The following FBLN5 variants were observed in gnomAD, a reference collection of about 807,000 sequenced individuals.
FBLN5 encodes the protein fibulin-5.
A neutral mutation model predicts 61.6 loss-of-function variants in FBLN5; 24 were observed. The observed-to-expected ratio is 0.39, with a 90% CI of 0.28 to 0.55. The LOEUF (loss-of-function observed/expected upper bound fraction) is 0.55, where lower values mean the gene tolerates loss of function less well. FBLN5 is among the 20% of genes least tolerant of loss of function. The pLI, the probability that FBLN5 is intolerant of heterozygous loss-of-function variation, is 0.65. For synonymous variants in FBLN5, 213 were observed against 219.8 expected, an observed-to-expected ratio of 0.97 and a Z score of 0.27; for missense variants, 470 against 594.1, an observed-to-expected ratio of 0.79 and a Z score of 2.17.
chr14:91,877,509 T>G lies in FBLN5; in HGVS notation c.1163A>C (p.Glu388Ala). 6.2e-7 allele frequency: 1 copy of G among 1,614,054 alleles called. No homozygotes were observed. Among genetic ancestry groups the G allele is most frequent in the Non-Finnish European group, 8.5e-7 (1 of 1,179,944 alleles). ...YYIFQIKSGN[E>A]GREFYMRQTG... ...TACCCGCATGTAAAATTCTCTGCCC[T>G]CATTCCCAGATTTGATCTGGAAAAT... Residue 388 changes from glutamate (E) to alanine (A), a missense_variant, in exon 10 of 11, where the codon GAG becomes GCG. Transcript: ENST00000342058.
chr14:91,885,636 T>A (rs995612749), intron 7 of FBLN5, among the ~76,000 whole-genome samples: 12 of 152,120 alleles, frequency 7.9e-5, no homozygotes, highest in Non-Finnish European at 1.2e-4. Flanking sequence ...TGATTTTTTT[T>A]AATAAAGGAT....
At chr14:91,886,909 G>A (rs947708933) in intron 7 of FBLN5, among the ~76,000 whole-genome samples, 1 of 152,150 alleles carries the variant, frequency 6.6e-6, no homozygotes, top group Non-Finnish European at 1.5e-5. Flanking sequence ...ATGCCAAATC[G>A]GGTGACTGCT....
intron 4 of FBLN5, among the ~76,000 whole-genome samples, chr14:91,935,100 A>C (rs913615010): frequency 6.6e-6 from 1 of 152,164 alleles, no homozygotes; most frequent in African/African-American, 2.4e-5. Flanking sequence ...TAGGGCTCCT[A>C]GATTGTATTC....
At position 91,947,297 on chromosome 14, in the gene FBLN5, C is replaced by T; in HGVS notation, c.-68G>A. 1.9e-6 allele frequency: 3 copies of T among 1,599,542 alleles called. No individual in the cohort carries two copies. Among genetic ancestry groups the T allele is most frequent in the Non-Finnish European group, 2.6e-6 (3 of 1,167,278 alleles). On this transcript the variant is annotated 5_prime_UTR_variant, in exon 1 of 11. Transcript: ENST00000342058. The surrounding 1 kb of genome is among the most constrained non-coding windows in gnomAD (Gnocchi z 4.3). The stretch of plus-strand genomic sequence containing the variant: ...CTCGCGGGCGGGACCCCCGGAGGAG[C>T]TCGGGCACGTCGGCCTCCTCTGGGC...
chr14:91,876,428 T>C (rs1889165358), intron 10 of FBLN5, among the ~76,000 whole-genome samples: 1 of 152,206 alleles, frequency 6.6e-6, no homozygotes. Context: ...CCCAAAAAGA[T>C]GCAAGTCCTA....
intron 10 of FBLN5, among the ~76,000 whole-genome samples, chr14:91,875,784 C>T (rs1284398878): frequency 1.3e-5 from 2 of 152,178 alleles, no homozygotes; most frequent in Non-Finnish European, 2.9e-5. Flanking sequence ...AACTAGGAGA[C>T]AGGGAGAAAC....
In FBLN5 at chr14:91,889,270, C is replaced by T. The variant is rs185997264; in HGVS notation, c.619+1951G>A. On this transcript the variant is annotated intron_variant, in intron 6 of 10. Coordinates refer to ENST00000342058, the MANE Select transcript of FBLN5 (RefSeq NM_006329.4). ...CAAGTGTTAGGGCTGGTGGCCTCAG[C>T]CTCTGGCCAGGCGCTGGCCACTCGG... 1.6e-4 allele frequency among the ~76,000 whole-genome samples: 24 copies of T among 152,338 alleles called. 1 individual carries two copies. The highest frequency in any genetic ancestry group is 4.6e-4 in the African/African-American group (19 of 41,572).
intron 4 of FBLN5, among the ~76,000 whole-genome samples, chr14:91,914,107 C>T (rs1891078022): frequency 6.6e-6 from 1 of 152,164 alleles, no homozygotes; most frequent in African/African-American, 2.4e-5. Context: ...CTTTGGGAGG[C>T]CAAGGCAGGC....
intron 4 of FBLN5, among the ~76,000 whole-genome samples, chr14:91,898,796 C>CTTTTTTTTT (rs35840279): frequency 1.5e-4 from 13 of 84,238 alleles, no homozygotes; most frequent in Non-Finnish European, 1.8e-4. Context: ...TTCATTCATT[C>CTTTTTTTTT]TTTTTTTTTT....
At chr14:91,907,849 C>G (rs1054841655) in intron 4 of FBLN5, among the ~76,000 whole-genome samples, 3 of 152,072 alleles carry the variant, frequency 2.0e-5, no homozygotes, top group East Asian at 1.9e-4. Context: ...AGATGCCCCC[C>G]ACACACTAGT....
At chr14:91,920,616 T>C (rs2055717006) in intron 4 of FBLN5, among the ~76,000 whole-genome samples, 1 of 152,178 alleles carries the variant, frequency 6.6e-6, no homozygotes, top group Non-Finnish European at 1.5e-5. Context: ...AACCAAACTA[T>C]AAATGTCCCT....
At chr14:91,929,756 G>A (rs2055892703) in intron 4 of FBLN5, among the ~76,000 whole-genome samples, 1 of 152,232 alleles carries the variant, frequency 6.6e-6, no homozygotes, top group African/African-American at 2.4e-5. Context: ...ATAGACAGAT[G>A]AACTAGGGCC....
intron 10 of FBLN5, among the ~76,000 whole-genome samples, chr14:91,875,923 T>C (rs2139946997): frequency 6.6e-6 from 1 of 152,330 alleles, no homozygotes; most frequent in Middle Eastern, 3.4e-3. Context: ...TGACGTGAGA[T>C]GTAACCCAGG....
intron 4 of FBLN5, among the ~76,000 whole-genome samples, chr14:91,923,695 G>A (rs1298958758): frequency 6.6e-6 from 1 of 152,158 alleles, no homozygotes; most frequent in Non-Finnish European, 1.5e-5. Context: ...ACTGGCTCAT[G>A]AAGAGAATCT....
intron 9 of FBLN5, among the ~76,000 whole-genome samples, 169 bp downstream of exon 9, chr14:91,881,123 A>ACCCCCC (rs113395651): frequency 1.7e-4 from 20 of 120,370 alleles, no homozygotes; most frequent in African/African-American, 6.3e-4. Context: ...TCTATTCTAC[A>ACCCCCC]CACACACACA....
intron 10 of FBLN5, among the ~76,000 whole-genome samples, chr14:91,871,307 A>G (rs867467235): frequency 8.0e-5 from 12 of 150,726 alleles, no homozygotes; most frequent in African/African-American, 2.9e-4. Flanking sequence ...AAGATTTTCT[A>G]TGTCAGTATA....
chr14:91,927,262 C>T (rs907435308), intron 4 of FBLN5, among the ~76,000 whole-genome samples: 1 of 152,204 alleles, frequency 6.6e-6, no homozygotes, highest in Non-Finnish European at 1.5e-5. Context: ...TTACTTCTTT[C>T]ATTTAACATC....
rs1022754712 is a variant in FBLN5 at position 91,904,753 on chromosome 14, C to G, written c.380-9681G>C. Among the ~76,000 whole-genome samples the G allele has an allele frequency of 3.9e-5, 6 of 152,216 alleles. 1 individual carries two copies. Among genetic ancestry groups the G allele is most frequent in the Non-Finnish European group, 8.8e-5 (6 of 68,044 alleles). On this transcript the variant is annotated intron_variant, in intron 4 of 10. Coordinates refer to ENST00000342058, the MANE Select transcript of FBLN5 (RefSeq NM_006329.4). ...TGTGACCTCATCCAAACGCAGTCAC[C>G]TCCCAAAGGACCCACCTTGTAATAA...
chr14:91,885,450 G>A (rs1735892289), intron 7 of FBLN5, among the ~76,000 whole-genome samples: 1 of 152,168 alleles, frequency 6.6e-6, no homozygotes, highest in Admixed American at 6.5e-5. Flanking sequence ...GGGGTAGGCA[G>A]GAATATTTGT....
Sources: gnomAD v4.1 joint callset for allele counts (sites outside exome capture counted in the v4.1 genomes callset) on GRCh38, gnomAD v4.1.1 for gene constraint, Gnocchi (gnomAD v3.1) non-coding constraint, MANE v1.5 for transcripts, NCBI Gene and HGNC (gene_info 2026-07-23, HGNC 2026-07-21) for gene names.